CERS4: variants seen among roughly 807,000 people sequenced by gnomAD.
The protein encoded by CERS4 is LAG1 homolog, ceramide synthase 4.
In CERS4, 65 loss-of-function variants were observed where a neutral mutation model predicts 51.8. That is an observed-to-expected ratio of 1.26 (90% confidence interval 1.03 to 1.54). The LOEUF (loss-of-function observed/expected upper bound fraction) is 1.54, where lower values mean the gene tolerates loss of function less well. Among genes scored for constraint, CERS4 ranks in the 40% most tolerant of loss-of-function variants. The pLI is 0.00. For missense variants in CERS4, 563 were observed against 500.4 expected, an observed-to-expected ratio of 1.13 and a Z score of -1.19; for synonymous variants, 228 against 208.4, an observed-to-expected ratio of 1.09 and a Z score of -0.81.
intron 2 of CERS4, among the ~76,000 whole-genome samples, chr19:8,220,447 G>T (rs939733395): frequency 9.9e-5 from 15 of 152,194 alleles, no homozygotes; most frequent in Non-Finnish European, 7.3e-5. Flanking sequence ...TGGGATTACA[G>T]GCATGTGCCA....
At chr19:8,255,471 C>T (rs571391730) in intron 4 of CERS4, 136 bp from the exon 5 acceptor site, 1 of 770,586 alleles carries the variant, frequency 1.3e-6, no homozygotes, top group East Asian at 2.5e-5. Context: ...AACACTGCCC[C>T]TCCATATAGA....
chr19:8,254,118 C>G (rs901466125), intron 3 of CERS4, among the ~76,000 whole-genome samples: 7 of 151,648 alleles, frequency 4.6e-5, no homozygotes, highest in Admixed American at 4.6e-4. Context: ...GTCAGGAGAT[C>G]GAGACCATCC....
chr19:8,250,847 C>A, intron 2 of CERS4: 2 of 1,323,554 alleles, frequency 1.5e-6, no homozygotes, highest in East Asian at 3.1e-5. Context: ...TAACACTGAC[C>A]AGGCAATGGA....
chr19:8,219,938 A>G (rs926918968), intron 2 of CERS4, among the ~76,000 whole-genome samples: 4 of 150,838 alleles, frequency 2.7e-5, no homozygotes, highest in Non-Finnish European at 5.9e-5. Flanking sequence ...AGCTATGATC[A>G]TGCCACTGCA....
At chr19:8,231,653 A>T (rs1169361905) in intron 2 of CERS4, among the ~76,000 whole-genome samples, 1 of 150,980 alleles carries the variant, frequency 6.6e-6, no homozygotes, top group Non-Finnish European at 1.5e-5. Flanking sequence ...GGTTCACACC[A>T]TTCTCCTGCC....
chr19:8,253,447 GC>G (rs1208850258), intron 3 of CERS4, among the ~76,000 whole-genome samples: 14 of 136,336 alleles, frequency 1.0e-4, no homozygotes, highest in African/African-American at 2.0e-4. Context: ...AGGTCCAGCT[GC>G]CTTTTTTTTT....
chr19:8,250,760 C>T, intron 2 of CERS4: 1 of 1,056,548 alleles, frequency 9.5e-7, no homozygotes, highest in Non-Finnish European at 1.1e-6. Context: ...CGGCCTACTA[C>T]TCTGTTTTAC....
rs867900653 is a variant in CERS4 at position 8,256,167 on chromosome 19, G to A, written c.469-69G>A. ...ATGTGACTGTGGAAGGAGAACCAAA[G>A]AGACCGCAGACCCAGGGTGGGAGGT... On this transcript the variant is annotated intron_variant, in intron 6 of 11. Transcript: ENST00000251363. 10 of 1,504,410 alleles carry A rather than the reference G, an allele frequency of 6.6e-6. No individual in the cohort carries two copies. In the South Asian group the frequency reaches 1.2e-4, roughly 18 times the overall value. 93.2% of individuals were successfully genotyped at this position (1,504,410 alleles called of 1,614,324 possible).
chr19:8,219,277 C>G (rs533122919), intron 2 of CERS4, among the ~76,000 whole-genome samples: 1 of 152,322 alleles, frequency 6.6e-6, no homozygotes, highest in South Asian at 2.1e-4. Context: ...AGGATAGGAG[C>G]AGGCTCTGAG....
At chr19:8,217,766 T>C (rs906268840) in intron 2 of CERS4, among the ~76,000 whole-genome samples, 7 of 152,138 alleles carry the variant, frequency 4.6e-5, no homozygotes, top group Non-Finnish European at 8.8e-5. Context: ...CTCGATCTCC[T>C]GACCTCGTGA....
rs548152188 is a variant in CERS4, at chr19:8,241,102, C to G, written c.-1-9974C>G. On this transcript the variant is annotated intron_variant, in intron 2 of 11. Coordinates refer to ENST00000251363, the MANE Select transcript of CERS4 (RefSeq NM_024552.3). The stretch of plus-strand genomic sequence containing the variant: ...GACCCTGAAGCTGCTGTCGTCCAGC[C>G]CAGCCCAAACACTTCAGCTGCAGCT... Among the ~76,000 whole-genome samples the G allele has an allele frequency of 6.1e-4, 93 of 152,160 alleles. 1 individual carries two copies. Among genetic ancestry groups the G allele is most frequent in the Middle Eastern group, 3.4e-3 (1 of 294 alleles).
chr19:8,209,711 G>C (rs1967008953), intron 1 of CERS4: 1 of 152,470 alleles, frequency 6.6e-6, no homozygotes, highest in South Asian at 2.1e-4. Context: ...GGGGCGCAAC[G>C]GGTGCCCGAG....
At chr19:8,248,907 GGAT>G (rs1968918238) in intron 2 of CERS4, among the ~76,000 whole-genome samples, 1 of 151,238 alleles carries the variant, frequency 6.6e-6, no homozygotes, top group Non-Finnish European at 1.5e-5. Context: ...GTGGACATAT[GGAT>G]GATGGGTAGA....
chr19:8,242,678 G>C (rs924471288), intron 2 of CERS4, among the ~76,000 whole-genome samples: 1 of 152,152 alleles, frequency 6.6e-6, no homozygotes, highest in South Asian at 2.1e-4. Flanking sequence ...CAGAGATGTT[G>C]CTTGTTTTCC....
chr19:8,261,951 G>A lies in CERS4; in HGVS notation c.1027G>A (p.Asp343Asn), dbSNP rs779927057. The A allele has an allele frequency of 2.5e-6, 4 of 1,606,986 alleles. No individual in the cohort carries two copies. Among genetic ancestry groups the A allele is most frequent in the Non-Finnish European group, 3.4e-6 (4 of 1,176,894 alleles). ...CCAGATGGAGAAGGACATTCGTAGT[G>A]ATGTAGAAGAATCAGACTCCAGTGA... Reference protein sequence around the residue: ...KGQMEKDIRSDVEESDSSEEA... With the variant: ...KGQMEKDIRSNVEESDSSEEA... The change falls in exon 12 of 12, where the codon GAT (aspartate) becomes AAT (asparagine). Residue 343 changes from aspartate (D) to asparagine (N), a missense_variant. By Grantham distance (23) the Asp-to-Asn change is conservative (BLOSUM62 1). Coordinates refer to ENST00000251363, the MANE Select transcript of CERS4 (RefSeq NM_024552.3).
chr19:8,251,283 C>T (rs544987194), intron 3 of CERS4, 34 bp downstream of exon 3: 33 of 1,543,046 alleles, frequency 2.1e-5, no homozygotes, highest in East Asian at 2.1e-4. Context: ...CCATTGCCCC[C>T]GCAGTCGCTC....
chr19:8,236,338 T>C lies in CERS4; in HGVS notation c.-1-14738T>C, dbSNP rs1187992632. 3.3e-5 allele frequency among the ~76,000 whole-genome samples: 5 copies of C among 152,298 alleles called. No homozygotes were observed. The East Asian group carries it at 9.6e-4, about 29-fold the overall frequency. On this transcript the variant is annotated intron_variant, in intron 2 of 11. Transcript: ENST00000251363. ...ACATATGCGTTAGTAAGGTTTTCTT[T>C]GGAGGGGGAACTCTGTATATGCTAG...
At chr19:8,224,371 C>T (rs932172458) in intron 2 of CERS4, among the ~76,000 whole-genome samples, 18 of 149,330 alleles carry the variant, frequency 1.2e-4, no homozygotes, top group Non-Finnish European at 2.1e-4. Context: ...TGTGCCACTG[C>T]ACTCCAGCCT....
chr19:8,247,863 A>T (rs1968859772), intron 2 of CERS4, among the ~76,000 whole-genome samples: 1 of 151,336 alleles, frequency 6.6e-6, no homozygotes, highest in Non-Finnish European at 1.5e-5. Context: ...CCTCTCAAGT[A>T]GCTGGGGTTA....
Sources: gnomAD v4.1 joint callset for allele counts (sites outside exome capture counted in the v4.1 genomes callset) on GRCh38, gnomAD v4.1.1 for gene constraint, MANE v1.5 for transcripts, NCBI Gene and HGNC (gene_info 2026-07-23, HGNC 2026-07-21) for gene names.